Variants in RGS7 observed in about 807,000 individuals in gnomAD.
RGS7 encodes regulator of G-protein signaling 7.
A neutral mutation model predicts 81.1 loss-of-function variants in RGS7; 27 were observed. The observed-to-expected ratio is 0.33, with a 90% CI of 0.25 to 0.46. The LOEUF (loss-of-function observed/expected upper bound fraction) is 0.46. Among genes scored for constraint, RGS7 ranks in the 20% least tolerant of loss-of-function variants. The probability of loss-of-function intolerance (pLI) is 1.00; values close to 1 mark genes in which losing one functional copy is unlikely to be tolerated. For missense variants in RGS7, 396 were observed against 607.4 expected (o/e 0.65, Z 3.66); for synonymous variants, 208 against 207.7 (o/e 1.00, Z -0.01).
At chr1:240,908,487 G>GAATC (rs1483053964) in intron 6 of RGS7, among the ~76,000 whole-genome samples, 1 of 152,110 alleles carries the variant, frequency 6.6e-6, no homozygotes, top group East Asian at 1.9e-4. Context: ...ATGAATGAAT[G>GAATC]AATCAATCAA....
Position 241,119,477 on chromosome 1 carries a change from T to C in RGS7, c.79-20715A>G, listed in dbSNP as rs555369089. Reference sequence around the variant, plus strand: ...CAGTGATTACCTGAGATGTAGAATCTGAAACTTTTAACAATGAACTTTTCA... The same window carrying C: ...CAGTGATTACCTGAGATGTAGAATCCGAAACTTTTAACAATGAACTTTTCA... On this transcript the variant is annotated intron_variant, in intron 2 of 18. Transcript: ENST00000440928. 9.8e-5 allele frequency among the ~76,000 whole-genome samples: 15 copies of C among 152,358 alleles called. No individual in the cohort carries two copies. The South Asian group carries it at 1.0e-3, about 11-fold the overall frequency.
intron 2 of RGS7, among the ~76,000 whole-genome samples, chr1:241,116,152 T>G (rs1157864381): frequency 6.6e-6 from 1 of 152,180 alleles, no homozygotes; most frequent in Non-Finnish European, 1.5e-5. Context: ...CAGGTAGTTC[T>G]TTATAGCAGT....
At chr1:240,883,525 C>T (rs1666797144) in intron 6 of RGS7, among the ~76,000 whole-genome samples, 1 of 152,070 alleles carries the variant, frequency 6.6e-6, no homozygotes, top group Admixed American at 6.6e-5. Context: ...TTGCTGATTC[C>T]CTGCCTGGAA....
intron 3 of RGS7, among the ~76,000 whole-genome samples, chr1:241,009,050 A>G (rs781222324): frequency 2.0e-5 from 3 of 152,170 alleles, no homozygotes; most frequent in Non-Finnish European, 2.9e-5. Context: ...GTTTCGTAAA[A>G]TGTAATAAAG....
At chr1:241,294,676 T>G (rs2079291577) in intron 2 of RGS7, among the ~76,000 whole-genome samples, 1 of 152,220 alleles carries the variant, frequency 6.6e-6, no homozygotes, top group Admixed American at 6.5e-5. Context: ...TCATGGCAAG[T>G]GCCCTATATG....
At chr1:241,033,578 T>G (rs2060192167) in intron 3 of RGS7, among the ~76,000 whole-genome samples, 1 of 152,116 alleles carries the variant, frequency 6.6e-6, no homozygotes, top group South Asian at 2.1e-4. Context: ...TAAATATTTA[T>G]TTTTTACTGC....
At position 240,860,939 on chromosome 1, in the gene RGS7, G is replaced by A. The variant is rs75655624; in HGVS notation, c.609+7648C>T. On this transcript the variant is annotated intron_variant, in intron 9 of 18. Transcript: ENST00000440928. ...AAACTCACTGTTCCAAATCTGCTAC[G>A]AACCCTTAGCAAAATCCTTTGTAAA... 7.4e-3 allele frequency among the ~76,000 whole-genome samples: 1,123 copies of A among 152,124 alleles called. 17 individuals are homozygous for A. The highest frequency in any genetic ancestry group is 0.026 in the African/African-American group (1,079 of 41,476).
Position 240,814,684 on chromosome 1 carries a change from T to A in RGS7, c.845+32A>T, listed in dbSNP as rs532383134. 7.8e-4 allele frequency: 1,090 copies of A among 1,398,320 alleles called. 15 individuals carry two copies. In the South Asian group the frequency reaches 0.012, roughly 15 times the overall value. The allele number at this position is 1,398,320 out of a possible 1,614,324, so 86.6% of individuals were successfully genotyped here. A position where few individuals can be genotyped will look rare whatever the true frequency, so the allele number is the denominator to read the frequency against. ...CACATGTAATTGTCATATGAAATTT[T>A]AAAATTTATACAGACACTTTGAAAT... On this transcript the variant is annotated intron_variant, in intron 12 of 18. Coordinates refer to ENST00000440928, the MANE Select transcript of RGS7 (RefSeq NM_001364886.1).
At chr1:240,949,335 C>A (rs1294631661) in intron 4 of RGS7, among the ~76,000 whole-genome samples, 2 of 152,124 alleles carry the variant, frequency 1.3e-5, no homozygotes, top group African/African-American at 4.8e-5. Flanking sequence ...TATTAGACTT[C>A]ATTTCTTCAG....
At chr1:241,194,354 A>T (rs537508298) in intron 2 of RGS7, among the ~76,000 whole-genome samples, 24 of 152,312 alleles carry the variant, frequency 1.6e-4, no homozygotes, top group Admixed American at 7.8e-4. Flanking sequence ...TTTTTAAAGA[A>T]TTTTATCAGT....
chr1:240,960,546 CTTTT>C (rs5782170), intron 4 of RGS7, among the ~76,000 whole-genome samples: 1 of 113,692 alleles, frequency 8.8e-6, no homozygotes, highest in Non-Finnish European at 1.8e-5. Flanking sequence ...CTGGGCTGTT[CTTTT>C]TTTTTTTTTT....
intron 3 of RGS7, among the ~76,000 whole-genome samples, chr1:240,983,823 C>G (rs1049011151): frequency 1.3e-5 from 2 of 152,156 alleles, no homozygotes; most frequent in Non-Finnish European, 2.9e-5. Flanking sequence ...AACCTTGAAG[C>G]AGGGTGTCAT....
chr1:240,881,072 T>TA (rs1666276619), intron 6 of RGS7, among the ~76,000 whole-genome samples: 2 of 152,106 alleles, frequency 1.3e-5, no homozygotes, highest in Admixed American at 6.6e-5. Context: ...TTTTTGGATT[T>TA]AAAAAAACAC....
At chr1:241,110,160 T>G (rs1340487041) in intron 2 of RGS7, among the ~76,000 whole-genome samples, 1 of 152,176 alleles carries the variant, frequency 6.6e-6, no homozygotes, top group Non-Finnish European at 1.5e-5. Flanking sequence ...CTCCAAATTA[T>G]CTCTTTTTAC....
intron 3 of RGS7, among the ~76,000 whole-genome samples, chr1:241,034,737 T>C (rs1252848806): frequency 6.6e-6 from 1 of 152,216 alleles, no homozygotes; most frequent in East Asian, 1.9e-4. Flanking sequence ...AAAGAGGTTC[T>C]GATGGCTATT....
chr1:240,952,649 C>A (rs905645653), intron 4 of RGS7, among the ~76,000 whole-genome samples: 1 of 151,824 alleles, frequency 6.6e-6, no homozygotes, highest in African/African-American at 2.4e-5. Context: ...CATTGCAATA[C>A]AATGAACAAA....
At chr1:241,130,232 T>C (rs2066975533) in intron 2 of RGS7, among the ~76,000 whole-genome samples, 1 of 152,114 alleles carries the variant, frequency 6.6e-6, no homozygotes, top group African/African-American at 2.4e-5. Flanking sequence ...ACCCACTTGG[T>C]AACCACTTTT....
At chr1:240,882,279 C>CA (rs780602947) in intron 6 of RGS7, among the ~76,000 whole-genome samples, 19 of 152,242 alleles carry the variant, frequency 1.2e-4, no homozygotes, top group East Asian at 5.8e-4. Context: ...TCCTTTAGGA[C>CA]AGTTCTGGAA....
At chr1:240,858,899 G>T (rs1297650203) in intron 9 of RGS7, among the ~76,000 whole-genome samples, 1 of 152,132 alleles carries the variant, frequency 6.6e-6, no homozygotes, top group Non-Finnish European at 1.5e-5. Context: ...CTAATATTTT[G>T]TTGAGGATTT....
Sources: gnomAD v4.1 joint callset for allele counts (sites outside exome capture counted in the v4.1 genomes callset) on GRCh38, gnomAD v4.1.1 for gene constraint, MANE v1.5 for transcripts, NCBI Gene and HGNC (gene_info 2026-07-23, HGNC 2026-07-21) for gene names.